Variants in DGKH observed in about 807,000 individuals in gnomAD.
DGKH encodes the protein diacylglycerol kinase eta, also known as DAG kinase eta.
In DGKH, 90 loss-of-function variants were observed where a neutral mutation model predicts 159.3. The ratio of observed to expected loss-of-function variants is 0.57; its 90% CI spans 0.48 to 0.67. The LOEUF (loss-of-function observed/expected upper bound fraction) is 0.67, where lower values mean the gene tolerates loss of function less well. Among genes scored for constraint, DGKH ranks in the 30% least tolerant of loss-of-function variants. DGKH has a pLI of 0.00. For missense variants in DGKH, 1,181 were observed against 1,506.1 expected, an observed-to-expected ratio of 0.78 and a Z score of 3.57; for synonymous variants, 536 against 553.8, an observed-to-expected ratio of 0.97 and a Z score of 0.45.
chr13:42,059,773 A>T (rs1258177584), intron 1 of DGKH, among the ~76,000 whole-genome samples: 1 of 152,144 alleles, frequency 6.6e-6, no homozygotes, highest in Non-Finnish European at 1.5e-5. Flanking sequence ...GGCCCTTAGT[A>T]ATTTTAATTG....
intron 13 of DGKH, among the ~76,000 whole-genome samples, chr13:42,179,880 G>A (rs1956706005): frequency 2.0e-5 from 3 of 151,998 alleles, no homozygotes; most frequent in Non-Finnish European, 1.5e-5. Context: ...GAGAAAAAGG[G>A]GTGGCTACTC....
At position 42,168,543 on chromosome 13, in the gene DGKH, A is replaced by C. The variant is rs1269073150; in HGVS notation, c.1222A>C (p.Lys408Gln). The C allele has an allele frequency of 1.2e-6, 2 of 1,614,136 alleles. No individual in the cohort carries two copies. Among genetic ancestry groups the C allele is most frequent in the Admixed American group, 3.3e-5 (2 of 60,032 alleles). ...LSEIDKLNLN[K>Q]QCQLGVLPLG... Reference sequence around the variant, plus strand: ...AGAAATCGATAAGCTCAACTTGAATAAACAGGCAAGTGCTAATTCTTTTAC... The same window carrying C: ...AGAAATCGATAAGCTCAACTTGAATCAACAGGCAAGTGCTAATTCTTTTAC... The change falls in exon 10 of 30, where the codon AAA (lysine) becomes CAA (glutamine). Residue 408 changes from lysine to glutamine, a missense_variant. By Grantham distance (53) the Lys-to-Gln change is moderately conservative. This residue lies in a region of DGKH where 369 missense variants were observed against 519.4 expected (regional missense o/e 0.71). Transcript: ENST00000337343.
chr13:42,175,922 C>A (rs1956591116), intron 12 of DGKH, among the ~76,000 whole-genome samples: 2 of 152,092 alleles, frequency 1.3e-5, no homozygotes, highest in African/African-American at 4.8e-5. Flanking sequence ...CTCAGTAAGC[C>A]TCAGGTTCTT....
At chr13:42,138,133 G>T in intron 3 of DGKH, 1 of 985,252 alleles carries the variant, frequency 1.0e-6, no homozygotes, top group Non-Finnish European at 1.2e-6. Flanking sequence ...TTTAGGTGCT[G>T]AAATGAATTT....
upstream of DGKH, among the ~76,000 whole-genome samples, chr13:42,047,297 C>T (rs930163002): frequency 6.6e-6 from 1 of 151,852 alleles, no homozygotes; most frequent in African/African-American, 2.4e-5. Context: ...TCTAATATAT[C>T]AAATTTCTTG....
chr13:42,208,708 C>T (rs1002732459), intron 21 of DGKH, among the ~76,000 whole-genome samples: 2 of 151,562 alleles, frequency 1.3e-5, no homozygotes, highest in African/African-American at 4.8e-5. Context: ...TATTAGTTAA[C>T]TGGTCCAAAG....
chr13:42,135,519 G>GAA (rs1239166262), intron 3 of DGKH, among the ~76,000 whole-genome samples: 4 of 106,402 alleles, frequency 3.8e-5, no homozygotes, highest in Admixed American at 1.0e-4. Context: ...GAGAGAGAGA[G>GAA]AAAAAGAAAA....
chr13:42,177,634 C>T (rs1410969520), intron 12 of DGKH, among the ~76,000 whole-genome samples: 1 of 152,202 alleles, frequency 6.6e-6, no homozygotes, highest in Admixed American at 6.5e-5. Flanking sequence ...AATTCTGTAG[C>T]TCCATAGCCT....
chr13:42,159,266 T>TTTTTTTTTTTTTGG lies in DGKH; in HGVS notation c.623_624insTTTTTTTTTTTTGG (p.Cys209PhefsTer16). The TTTTTTTTTTTTTGG allele has an allele frequency of 7.5e-7, 1 of 1,332,564 alleles. No individual in the cohort carries two copies. Among genetic ancestry groups the TTTTTTTTTTTTTGG allele is most frequent in the Non-Finnish European group, 1.0e-6 (1 of 961,740 alleles). The allele number at this position is 1,332,564 out of a possible 1,614,324, so 82.5% of individuals were successfully genotyped here. A position where few individuals can be genotyped will look rare whatever the true frequency, so the allele number is the denominator to read the frequency against. Reference sequence around the variant, plus strand: ...GCTCTTTTTTTTTTTTTTTTTTTAGTGTGTAAATTCAAGGCTCACAAAAGA... The same window carrying TTTTTTTTTTTTTGG: ...GCTCTTTTTTTTTTTTTTTTTTTAGTTTTTTTTTTTTTGGGTGTAAATTCAAGGCTCACAAAAGA... On this transcript the variant is annotated frameshift_variant and splice_region_variant, in exon 6 of 30. Coordinates refer to ENST00000337343, the MANE Select transcript of DGKH (RefSeq NM_178009.5). LOFTEE classifies it high-confidence loss of function.
chr13:42,062,120 A>G (rs1882226062), intron 1 of DGKH, among the ~76,000 whole-genome samples: 2 of 152,154 alleles, frequency 1.3e-5, no homozygotes, highest in African/African-American at 2.4e-5. Context: ...CTGGGCTCCA[A>G]GCACCCTAGG....
intron 18 of DGKH, 108 bp downstream of exon 18, chr13:42,198,703 TA>T: frequency 1.9e-5 from 19 of 1,000,274 alleles, no homozygotes; most frequent in East Asian, 2.5e-5. Flanking sequence ...TGGTCCCATG[TA>T]AAAAAAGGAT....
chr13:42,106,451 A>G (rs1386477698), intron 1 of DGKH, among the ~76,000 whole-genome samples: 1 of 152,228 alleles, frequency 6.6e-6, no homozygotes, highest in Non-Finnish European at 1.5e-5. Flanking sequence ...GCAGAGCAGC[A>G]TAGACAATGA....
chr13:42,194,165 A>G (rs868618229), intron 16 of DGKH, among the ~76,000 whole-genome samples: 1 of 152,214 alleles, frequency 6.6e-6, no homozygotes, highest in African/African-American at 2.4e-5. Context: ...TATGAGACAG[A>G]GTCTTACTGT....
chr13:42,170,658 G>C (rs1406031343), intron 11 of DGKH, among the ~76,000 whole-genome samples: 1 of 151,776 alleles, frequency 6.6e-6, no homozygotes. Flanking sequence ...TAAAGAACAA[G>C]TGGGTTGGTT....
intron 17 of DGKH, among the ~76,000 whole-genome samples, chr13:42,196,989 C>T (rs922303726): frequency 1.3e-5 from 2 of 152,142 alleles, no homozygotes; most frequent in African/African-American, 2.4e-5. Context: ...CGTGGTGGCT[C>T]ACGCCTGTAA....
chr13:42,161,097 C>A (rs938387899), intron 7 of DGKH, among the ~76,000 whole-genome samples: 5 of 152,150 alleles, frequency 3.3e-5, no homozygotes, highest in African/African-American at 1.2e-4. Context: ...CTCATTTAAT[C>A]TAATATATAG....
chr13:42,163,618 G>A (rs1318144904), intron 7 of DGKH, among the ~76,000 whole-genome samples: 4 of 152,100 alleles, frequency 2.6e-5, no homozygotes, highest in African/African-American at 9.7e-5. Context: ...GCCAGTGATA[G>A]TGAGCATTTT....
chr13:42,141,620 T>C (rs1375782772), intron 3 of DGKH, among the ~76,000 whole-genome samples: 1 of 152,220 alleles, frequency 6.6e-6, no homozygotes, highest in Non-Finnish European at 1.5e-5. Context: ...TATCTCATTG[T>C]GGTTTTGATT....
At chr13:42,138,247 C>A in intron 3 of DGKH, 1 of 315,518 alleles carries the variant, frequency 3.2e-6, no homozygotes, top group Non-Finnish European at 4.6e-6. Context: ...GATTTAGAGA[C>A]TGCTGGGCAC....
Sources: gnomAD v4.1 joint callset for allele counts (sites outside exome capture counted in the v4.1 genomes callset) on GRCh38, gnomAD v4.1.1 for gene constraint, gnomAD v4.1.1 regional missense constraint, MANE v1.5 for transcripts, NCBI Gene and HGNC (gene_info 2026-07-23, HGNC 2026-07-21) for gene names.